The following NAF1 variants were observed in gnomAD, a reference collection of about 807,000 sequenced individuals.
NAF1 encodes H/ACA ribonucleoprotein complex non-core subunit NAF1.
NAF1 carries 11 observed loss-of-function variants against 40.6 expected under a neutral mutation model. The observed-to-expected ratio is 0.27, with a 90% CI of 0.17 to 0.45. The LOEUF (loss-of-function observed/expected upper bound fraction) is 0.45, where lower values mean the gene tolerates loss of function less well. NAF1 is among the 20% of genes least tolerant of loss of function. The pLI is 1.00. For missense variants in NAF1, 607 were observed against 611.1 expected (o/e 0.99, Z 0.07); for synonymous variants, 260 against 228.5 (o/e 1.14, Z -1.24).
At position 163,166,858 on chromosome 4, in the gene NAF1, C is replaced by G. The variant is rs1732505986; in HGVS notation, c.-131G>C. 3.2e-5 allele frequency: 40 copies of G among 1,235,206 alleles called. No homozygotes were observed. Among genetic ancestry groups the G allele is most frequent in the Non-Finnish European group, 4.4e-5 (40 of 910,638 alleles). The allele number at this position is 1,235,206 out of a possible 1,614,324, so 76.5% of individuals were successfully genotyped here. A position where few individuals can be genotyped will look rare whatever the true frequency, so the allele number is the denominator to read the frequency against. ...CCTGGGCCCAACTTCCCGCGTTTCT[C>G]AGGTAACTACACGCGGAGGAGCCAA... On this transcript the variant is annotated 5_prime_UTR_variant, in exon 1 of 8. Transcript: ENST00000274054.
rs1459650363 is a variant in NAF1, at chr4:163,166,541, C to A, written c.187G>T (p.Gly63Trp). 1 of 1,588,082 alleles carries A rather than the reference C, an allele frequency of 6.3e-7. No individual in the cohort carries two copies. Among genetic ancestry groups the A allele is most frequent in the African/African-American group, 1.3e-5 (1 of 74,450 alleles). Residue 63 changes from glycine (G) to tryptophan (W), a missense_variant, in exon 1 of 8, where the codon GGG becomes TGG. Coordinates refer to ENST00000274054, the MANE Select transcript of NAF1 (RefSeq NM_138386.3). ...AGQTVEVKPA[G>W]EQPLQPVLNA... ...AGAACGGGCTGCAGAGGCTGCTCCC[C>A]GGCAGGCTTAACCTCCACGGTCTGC...
chr4:163,106,613 G>A (rs2110779641), downstream of NAF1, among the ~76,000 whole-genome samples: 1 of 151,794 alleles, frequency 6.6e-6, no homozygotes. Flanking sequence ...ATTTTTCTCT[G>A]CCCACTTGTT....
At chr4:163,146,603 T>C (rs1382823533) in intron 3 of NAF1, among the ~76,000 whole-genome samples, 1 of 152,188 alleles carries the variant, frequency 6.6e-6, no homozygotes, top group African/African-American at 2.4e-5. Context: ...ATATATTACC[T>C]CAGATTATCA....
At chr4:163,157,643 T>C (rs1262744854) in intron 2 of NAF1, among the ~76,000 whole-genome samples, 2 of 152,002 alleles carry the variant, frequency 1.3e-5, no homozygotes, top group African/African-American at 2.4e-5. Context: ...ATTAAAGAAA[T>C]GCAAGATCCT....
chr4:163,152,566 C>G (rs771634529), intron 2 of NAF1, among the ~76,000 whole-genome samples: 3 of 152,208 alleles, frequency 2.0e-5, no homozygotes, highest in Admixed American at 6.5e-5. Context: ...GGTGAAGGTT[C>G]TCTGATTTTG....
At chr4:163,138,291 G>T (rs2110922468) in intron 5 of NAF1, among the ~76,000 whole-genome samples, 1 of 152,128 alleles carries the variant, frequency 6.6e-6, no homozygotes, top group East Asian at 1.9e-4. Context: ...AAAGAAAAAA[G>T]CATTTCCTCA....
downstream of NAF1, among the ~76,000 whole-genome samples, chr4:163,107,384 T>C (rs917006800): frequency 5.9e-5 from 9 of 152,212 alleles, no homozygotes; most frequent in South Asian, 1.7e-3. Flanking sequence ...CAGCCTGTGC[T>C]CAGATACAGC....
Position 163,133,263 on chromosome 4 carries a change from G to A in NAF1, c.931-7C>T. 6 of 1,607,040 alleles carry A rather than the reference G, an allele frequency of 3.7e-6. No homozygotes were observed. The highest frequency in any genetic ancestry group is 5.1e-6 in the Non-Finnish European group (6 of 1,174,248). ...CATCACTAAAATCTAAGGCCTTGCAGAGAAAAGTATATAATAGGTTTATGT... is the reference window on the plus strand; with the variant it reads ...CATCACTAAAATCTAAGGCCTTGCAAAGAAAAGTATATAATAGGTTTATGT... On this transcript the variant is annotated splice_polypyrimidine_tract_variant and splice_region_variant and intron_variant, in intron 6 of 7. Transcript: ENST00000274054.
downstream of NAF1, chr4:163,127,218 C>T (rs1008038807): frequency 5.1e-6 from 7 of 1,370,790 alleles, no homozygotes; most frequent in East Asian, 2.0e-4. Context: ...CAACCTCTGC[C>T]TCCCAGGTTC....
intron 1 of NAF1, among the ~76,000 whole-genome samples, chr4:163,165,925 A>T (rs1732439437): frequency 6.6e-6 from 1 of 152,138 alleles, no homozygotes; most frequent in Non-Finnish European, 1.5e-5. Flanking sequence ...ACAAAAAATA[A>T]TACTTTTCCT....
At chr4:163,150,334 C>A (rs937331437) in intron 2 of NAF1, among the ~76,000 whole-genome samples, 1 of 152,144 alleles carries the variant, frequency 6.6e-6, no homozygotes, top group Admixed American at 6.5e-5. Context: ...TGAAAATTCC[C>A]CTACTTTATT....
intron 6 of NAF1, chr4:163,135,773 G>A (rs1174263581): frequency 1.3e-5 from 2 of 152,002 alleles, no homozygotes; most frequent in African/African-American, 4.8e-5. Flanking sequence ...TGGGCAGAAA[G>A]AGCAAAACTC....
chr4:163,154,555 G>A (rs1226875031), intron 2 of NAF1, among the ~76,000 whole-genome samples: 1 of 152,132 alleles, frequency 6.6e-6, no homozygotes, highest in Non-Finnish European at 1.5e-5. Flanking sequence ...AGATCTATTT[G>A]TTTCTTTTAA....
intron 2 of NAF1, among the ~76,000 whole-genome samples, chr4:163,118,042 C>T (rs1730403900): frequency 6.6e-6 from 1 of 152,032 alleles, no homozygotes; most frequent in Non-Finnish European, 1.5e-5. Flanking sequence ...TCTTTCAGAG[C>T]CATTTTTGAT....
Position 163,164,229 on chromosome 4 carries a change from T to C in NAF1, c.528A>G (p.Glu176=). ...TCTAAGTACTTACATTAAGAAGTAA[T>C]TCATCTTTTGTTTTAAGAGGAAAAT... ...NKNFPLKTKD[E]LLLNELPSVE... Residue 176 remains glutamate (E), a synonymous_variant, in exon 2 of 8, where the codon GAA becomes GAG. Coordinates refer to ENST00000274054, the MANE Select transcript of NAF1 (RefSeq NM_138386.3). 1 of 1,546,534 alleles carries C rather than the reference T, an allele frequency of 6.5e-7. No homozygotes were observed. Among genetic ancestry groups the C allele is most frequent in the Non-Finnish European group, 8.7e-7 (1 of 1,150,134 alleles).
downstream of NAF1, among the ~76,000 whole-genome samples, chr4:163,105,694 CAAAT>C (rs1317624083): frequency 6.6e-6 from 1 of 152,144 alleles, no homozygotes; most frequent in Admixed American, 6.5e-5. Context: ...CTATTTAACT[CAAAT>C]AAATTTGATA....
intron 3 of NAF1, among the ~76,000 whole-genome samples, chr4:163,147,807 T>G (rs1177489383): frequency 1.3e-5 from 2 of 152,022 alleles, no homozygotes; most frequent in African/African-American, 4.8e-5. Context: ...CACATGTGGT[T>G]AGAGTGAGGT....
downstream of NAF1, among the ~76,000 whole-genome samples, chr4:163,126,056 C>A (rs1388752515): frequency 1.3e-5 from 2 of 152,190 alleles, no homozygotes; most frequent in Non-Finnish European, 2.9e-5. Flanking sequence ...TGAAATGCTA[C>A]TGATCATTAA....
rs1061075 is a variant in NAF1, at chr4:163,128,764, A to G, written c.*133T>C. On this transcript the variant is annotated 3_prime_UTR_variant, in exon 8 of 8. Transcript: ENST00000274054. Reference sequence around the variant, plus strand: ...TTCACAAAGGTTACAAATATATATCAACTTACAACAGAAGGAATCATTTAG... The same window carrying G: ...TTCACAAAGGTTACAAATATATATCGACTTACAACAGAAGGAATCATTTAG... The G allele has an allele frequency of 9.1e-6, 11 of 1,205,830 alleles. No homozygotes were observed. The highest frequency in any genetic ancestry group is 1.2e-5 in the Non-Finnish European group (11 of 926,416). The allele number at this position is 1,205,830 out of a possible 1,614,324, so 74.7% of individuals were successfully genotyped here. A position where few individuals can be genotyped will look rare whatever the true frequency, so the allele number is the denominator to read the frequency against.
Sources: gnomAD v4.1 joint callset for allele counts (sites outside exome capture counted in the v4.1 genomes callset) on GRCh38, gnomAD v4.1.1 for gene constraint, MANE v1.5 for transcripts, NCBI Gene and HGNC (gene_info 2026-07-23, HGNC 2026-07-21) for gene names.